The following CNPPD1 variants were observed in gnomAD, a reference collection of about 807,000 sequenced individuals.
CNPPD1 encodes the protein protein CNPPD1.
A neutral mutation model predicts 43.7 loss-of-function variants in CNPPD1; 40 were observed. The observed-to-expected ratio is 0.92, with a 90% CI of 0.71 to 1.19. CNPPD1 has a LOEUF of 1.19. CNPPD1 is among the 50% of genes most tolerant of loss of function. The probability of loss-of-function intolerance (pLI) is 0.00; values close to 1 mark genes in which losing one functional copy is unlikely to be tolerated. For missense variants in CNPPD1, 511 were observed against 518.5 expected (o/e 0.99, Z 0.14); for synonymous variants, 208 against 214.3 (o/e 0.97, Z 0.26).
chr2:219,176,706 C>A (rs971564048), intron 1 of CNPPD1, 54 bp downstream of exon 1: 23 of 1,381,706 alleles, frequency 1.7e-5, no homozygotes, highest in East Asian at 5.1e-5. Context: ...CAGCGCCGCT[C>A]AGGCCGGGAG....
rs1950079398 is a variant in CNPPD1 at position 219,172,060 on chromosome 2, T to C, written c.*526A>G. 1 of 159,692 alleles carries C rather than the reference T, an allele frequency of 6.3e-6. No homozygotes were observed. The highest frequency in any genetic ancestry group is 5.9e-5 in the Admixed American group (1 of 17,000). The allele number at this position is 159,692 out of a possible 1,614,324, so 9.9% of individuals were successfully genotyped here. On this transcript the variant is annotated 3_prime_UTR_variant, in exon 8 of 8. Coordinates refer to ENST00000360507, the MANE Select transcript of CNPPD1 (RefSeq NM_015680.6). The stretch of plus-strand genomic sequence containing the variant: ...TAAGAGAAGACTGGAAGACAAAAGA[T>C]CAGGGTTGAAGGTCCCAGCAGTCCT...
At position 219,172,909 on chromosome 2, in the gene CNPPD1, C is replaced by A; in HGVS notation, c.910G>T (p.Gly304Trp). The change falls in exon 8 of 8, where the codon GGG becomes TGG. Residue 304 changes from glycine to tryptophan, a missense_variant. By Grantham distance (184) the Gly-to-Trp change is radical. Transcript: ENST00000360507. ...NVSSCLEGSM[G>W]LRSLWGSLLA... Reference sequence around the variant, plus strand: ...AGACTGCCCCAGAGTGACCGCAGCCCCATGCTGCCTTCCAGGCAGCTGGAG... The same window carrying A: ...AGACTGCCCCAGAGTGACCGCAGCCACATGCTGCCTTCCAGGCAGCTGGAG... 1 of 1,611,778 alleles carries A rather than the reference C, an allele frequency of 6.2e-7. No homozygotes were observed. The highest frequency in any genetic ancestry group is 8.5e-7 in the Non-Finnish European group (1 of 1,178,708).
intron 2 of CNPPD1, 89 bp from the exon 3 acceptor site, chr2:219,175,761 G>T: frequency 8.8e-7 from 1 of 1,130,442 alleles, no homozygotes; most frequent in Non-Finnish European, 1.3e-6. Flanking sequence ...ACCCAGATCT[G>T]TATTTTCTGA....
chr2:219,174,157 C>G lies in CNPPD1; in HGVS notation c.561G>C (p.Trp187Cys), dbSNP rs1291722036. The change falls in exon 6 of 8, where the codon TGG (tryptophan) becomes TGC (cysteine). Residue 187 changes from tryptophan to cysteine, a missense_variant. Coordinates refer to ENST00000360507, the MANE Select transcript of CNPPD1 (RefSeq NM_015680.6). ...DPREIFEVLS[W>C]LESCVAEQQG... ...CTCCTAGAACCTACCAGCTCTCCAA[C>G]CAGCTCAGCACCTCAAAGATCTCCC... 6.2e-7 allele frequency: 1 copy of G among 1,614,194 alleles called. No homozygotes were observed. The highest frequency in any genetic ancestry group is 8.5e-7 in the Non-Finnish European group (1 of 1,180,034).
Position 219,176,236 on chromosome 2 carries a change from G to A in CNPPD1, c.165C>T (p.Ser55=). 6.2e-7 allele frequency: 1 copy of A among 1,613,180 alleles called. No homozygotes were observed. Among genetic ancestry groups the A allele is most frequent in the Non-Finnish European group, 8.5e-7 (1 of 1,179,100 alleles). Residue 55 remains serine, a synonymous_variant, in exon 2 of 8, where the codon TCC becomes TCT. Transcript: ENST00000360507. The part of the protein sequence containing the change: ...WEADCSLEEL[S]SPVADIAVEL... ...ACACTGCCTAACCTGCCACCGGGCT[G>A]GAGAGCTCCTCCAGGCTACAGTCGG...
In CNPPD1 at chr2:219,174,767, C is replaced by G; in HGVS notation, c.510+11G>C. ...CAGGGAAACTGAGCAAGAGAGAGAA[C>G]AGCTGCTCACCATGGCACTCAGGAA... On this transcript the variant is annotated intron_variant, in intron 5 of 7. Transcript: ENST00000360507. 3 of 1,581,308 alleles carry G rather than the reference C, an allele frequency of 1.9e-6. 1 individual carries two copies. In the South Asian group the frequency reaches 3.5e-5, roughly 18 times the overall value.
At chr2:219,173,180 C>T in intron 7 of CNPPD1, 52 bp from the exon 8 acceptor site, 1 of 1,509,298 alleles carries the variant, frequency 6.6e-7, no homozygotes, top group East Asian at 2.3e-5. Flanking sequence ...ACATTCACCC[C>T]TTGTCTCTAG....
At chr2:219,176,705 T>A (rs1950169508) in intron 1 of CNPPD1, 55 bp downstream of exon 1, 2 of 1,356,966 alleles carry the variant, frequency 1.5e-6, no homozygotes, top group Non-Finnish European at 2.0e-6. Context: ...GCAGCGCCGC[T>A]CAGGCCGGGA....
chr2:219,175,550 G>A lies in CNPPD1; in HGVS notation c.260+41C>T, dbSNP rs775207950. 31 of 1,499,888 alleles carry A rather than the reference G, an allele frequency of 2.1e-5. No homozygotes were observed. The South Asian group carries it at 3.5e-4, about 17-fold the overall frequency. 92.9% of individuals were successfully genotyped at this position (1,499,888 alleles called of 1,614,324 possible). ...AGAAAAGACGATTCCCCTTTCTCTA[G>A]GGCCCAAACACTCTCATCCTATCCT... On this transcript the variant is annotated intron_variant, in intron 3 of 7. Coordinates refer to ENST00000360507, the MANE Select transcript of CNPPD1 (RefSeq NM_015680.6).
intron 5 of CNPPD1, 66 bp downstream of exon 5, chr2:219,174,712 C>G (rs1273594775): frequency 6.6e-7 from 1 of 1,518,498 alleles, no homozygotes; most frequent in African/African-American, 1.4e-5. Flanking sequence ...TGAGAGAGAA[C>G]AAAGGACTAA....
At chr2:219,176,366 C>T in intron 1 of CNPPD1, 35 bp from the exon 2 acceptor site, 1 of 1,493,626 alleles carries the variant, frequency 6.7e-7, no homozygotes, top group South Asian at 1.1e-5. Context: ...GGGTGAAGGG[C>T]ACGGAAAGGT....
chr2:219,176,952 C>A (rs1950179819), upstream of CNPPD1: 1 of 724,644 alleles, frequency 1.4e-6, no homozygotes, highest in South Asian at 1.9e-5. Context: ...CCGCCGTCCT[C>A]GCCCTCGCCC....
upstream of CNPPD1, chr2:219,176,948 TCCTCGC>T (rs539599905): frequency 1.3e-6 from 1 of 799,514 alleles, no homozygotes; most frequent in East Asian, 3.2e-5. Flanking sequence ...CGGGCCGCCG[TCCTCGC>T]CCTCGCCCTC....
chr2:219,175,629 A>G lies in CNPPD1; in HGVS notation c.222T>C (p.Ile74=). Residue 74 remains isoleucine (I), a synonymous_variant, in exon 3 of 8, where the codon ATT becomes ATC. Transcript: ENST00000360507. Reference sequence around the variant, plus strand: ...CTACATATTTCTTCTGGAGTCGGCGAATAGGGCTGGGGGCTGCCTTCTGGA... The same window carrying G: ...CTACATATTTCTTCTGGAGTCGGCGGATAGGGCTGGGGGCTGCCTTCTGGA... ...ELLQKAAPSP[I]RRLQKKYVAH... The G allele has an allele frequency of 6.2e-7, 1 of 1,614,104 alleles. No individual in the cohort carries two copies. The highest frequency in any genetic ancestry group is 8.5e-7 in the Non-Finnish European group (1 of 1,179,966).
At position 219,172,458 on chromosome 2, in the gene CNPPD1, A is replaced by C; in HGVS notation, c.*128T>G. On this transcript the variant is annotated 3_prime_UTR_variant, in exon 8 of 8. Transcript: ENST00000360507. Reference sequence around the variant, plus strand: ...AGTCCTTCTGCCCCACCACCCCATAAGCTCCCACCCAGGAGGACAGGGGAC... The same window carrying C: ...AGTCCTTCTGCCCCACCACCCCATACGCTCCCACCCAGGAGGACAGGGGAC... 1.0e-6 allele frequency: 1 copy of C among 968,108 alleles called. No homozygotes were observed. The highest frequency in any genetic ancestry group is 1.6e-6 in the Non-Finnish European group (1 of 628,250). 60.0% of individuals were successfully genotyped at this position (968,108 alleles called of 1,614,324 possible). A position where few individuals can be genotyped will look rare whatever the true frequency, so the allele number is the denominator to read the frequency against.
rs1272331187 is a variant in CNPPD1, at chr2:219,174,192, T to C, written c.526A>G (p.Thr176Ala). 6.2e-7 allele frequency: 1 copy of C among 1,614,058 alleles called. No homozygotes were observed. Among genetic ancestry groups the C allele is most frequent in the Admixed American group, 1.7e-5 (1 of 60,010 alleles). ...FLSAMDWHLY[T>A]DPREIFEVLS... Reference sequence around the variant, plus strand: ...ACCTCAAAGATCTCCCGAGGGTCAGTGTAGAGATGCCAATCCTGTGAGTAC... The same window carrying C: ...ACCTCAAAGATCTCCCGAGGGTCAGCGTAGAGATGCCAATCCTGTGAGTAC... The change falls in exon 6 of 8, where the codon ACT becomes GCT. Residue 176 changes from threonine (T) to alanine (A), a missense_variant. Transcript: ENST00000360507.
At chr2:219,177,547 G>T (rs1018129251), upstream of CNPPD1, among the ~76,000 whole-genome samples, 1 of 151,672 alleles carries the variant, frequency 6.6e-6, no homozygotes, top group East Asian at 1.9e-4. Flanking sequence ...GAAACTCAGG[G>T]TGTTTTTTTT....
intron 1 of CNPPD1, 144 bp downstream of exon 1, chr2:219,176,616 G>C: frequency 1.4e-6 from 1 of 690,900 alleles, no homozygotes; most frequent in Non-Finnish European, 2.4e-6. Flanking sequence ...TCTCCCTCCC[G>C]GCCCAAGCAG....
Position 219,173,371 on chromosome 2 carries a change from G to A in CNPPD1, c.669C>T (p.Ser223=). ...TCACCTTTACCAGCCGCTGGCAGAGGGAGCCCAGGGCCAACTGCCAGGTCG... is the reference window on the plus strand; with the variant it reads ...TCACCTTTACCAGCCGCTGGCAGAGAGAGCCCAGGGCCAACTGCCAGGTCG... ...EQPTWQLALG[S]LCQRLVKLSC... Residue 223 remains serine (S), a synonymous_variant, in exon 7 of 8, where the codon TCC becomes TCT. Coordinates refer to ENST00000360507, the MANE Select transcript of CNPPD1 (RefSeq NM_015680.6). The A allele has an allele frequency of 6.2e-7, 1 of 1,613,424 alleles. No individual in the cohort carries two copies. The highest frequency in any genetic ancestry group is 8.5e-7 in the Non-Finnish European group (1 of 1,179,868).
Sources: gnomAD v4.1 joint callset for allele counts (sites outside exome capture counted in the v4.1 genomes callset) on GRCh38, gnomAD v4.1.1 for gene constraint, MANE v1.5 for transcripts, NCBI Gene and HGNC (gene_info 2026-07-23, HGNC 2026-07-21) for gene names.